GLG1: variants seen among roughly 807,000 people sequenced by gnomAD.
The protein encoded by GLG1 is Golgi apparatus protein 1.
GLG1 carries 38 observed loss-of-function variants against 160.5 expected under a neutral mutation model. That is an observed-to-expected ratio of 0.24 (90% confidence interval 0.18 to 0.31). GLG1 has a LOEUF of 0.31. Among genes scored for constraint, GLG1 ranks in the 10% least tolerant of loss-of-function variants. GLG1 has a pLI of 1.00. For missense variants in GLG1, 1,373 were observed against 1,505.2 expected (o/e 0.91, Z 1.45); for synonymous variants, 644 against 543.4 (o/e 1.19, Z -2.57).
chr16:74,561,738 G>A (rs947746039), intron 1 of GLG1, among the ~76,000 whole-genome samples: 1 of 152,144 alleles, frequency 6.6e-6, no homozygotes, highest in Non-Finnish European at 1.5e-5. Flanking sequence ...GTATTTAACA[G>A]GCTATAAATG....
intron 23 of GLG1, among the ~76,000 whole-genome samples, chr16:74,459,433 A>G (rs113029981): frequency 7.9e-4 from 120 of 152,304 alleles, no homozygotes; most frequent in African/African-American, 2.8e-3. Flanking sequence ...AGATCACGCC[A>G]CTGCGCTCCA....
intron 1 of GLG1, among the ~76,000 whole-genome samples, chr16:74,569,040 G>A (rs1381291370): frequency 6.6e-6 from 1 of 152,196 alleles, no homozygotes; most frequent in Non-Finnish European, 1.5e-5. Flanking sequence ...TGACTGAAGG[G>A]CCGTGTGGGC....
At chr16:74,551,171 G>A (rs1295953103) in intron 1 of GLG1, among the ~76,000 whole-genome samples, 1 of 152,108 alleles carries the variant, frequency 6.6e-6, no homozygotes, top group African/African-American at 2.4e-5. Context: ...AGCCTTTCCC[G>A]TAAGTCTGCT....
At chr16:74,484,755 G>A (rs539300624) in intron 9 of GLG1, among the ~76,000 whole-genome samples, 1 of 152,242 alleles carries the variant, frequency 6.6e-6, no homozygotes, top group South Asian at 2.1e-4. Flanking sequence ...TACAGAGCAA[G>A]ATTCTGTCTA....
chr16:74,579,361 A>G (rs1465024044), intron 1 of GLG1, among the ~76,000 whole-genome samples: 7 of 73,038 alleles, frequency 9.6e-5, no homozygotes, highest in Non-Finnish European at 1.5e-4. Context: ...GGCTGCAGTG[A>G]GCCGTGATTG....
intron 1 of GLG1, among the ~76,000 whole-genome samples, chr16:74,537,360 A>C (rs560595143): frequency 6.6e-6 from 1 of 152,260 alleles, no homozygotes; most frequent in East Asian, 1.9e-4. Flanking sequence ...ATGGTTAAAA[A>C]ACAAAACAAA....
chr16:74,504,406 G>C (rs2016523950), intron 3 of GLG1, among the ~76,000 whole-genome samples: 1 of 152,122 alleles, frequency 6.6e-6, no homozygotes, highest in African/African-American at 2.4e-5. Context: ...TCCTGCCTCA[G>C]CTTCCTGAGT....
chr16:74,545,060 C>A (rs1401385522), intron 1 of GLG1, among the ~76,000 whole-genome samples: 1 of 151,986 alleles, frequency 6.6e-6, no homozygotes, highest in Non-Finnish European at 1.5e-5. Context: ...TACAGGAAGG[C>A]AACTTCGGTT....
At chr16:74,496,403 A>C (rs1433355402) in intron 5 of GLG1, 38 bp downstream of exon 5, 1 of 1,363,192 alleles carries the variant, frequency 7.3e-7, no homozygotes, top group Non-Finnish European at 1.0e-6. Context: ...ATGTGTAAAA[A>C]TAAAAGGAAG....
rs1245745326 is a variant in GLG1 at position 74,479,438 on chromosome 16, T to C, written c.1827+803A>G. Among the ~76,000 whole-genome samples, 3 of 141,624 alleles carry C rather than the reference T, an allele frequency of 2.1e-5. No homozygotes were observed. In the Admixed American group the frequency reaches 2.1e-4, roughly 10 times the overall value. The allele number at this position is 141,624 out of a possible 152,430, so 92.9% of individuals were successfully genotyped here. On this transcript the variant is annotated intron_variant, in intron 11 of 25. Coordinates refer to ENST00000422840, the MANE Select transcript of GLG1 (RefSeq NM_001145667.2). The stretch of plus-strand genomic sequence containing the variant: ...CCCATGGTTAATGAGAGGCTCATTA[T>C]ATGGAGAGAAAAAAAAAAAAAAAAC...
At chr16:74,604,297 A>G (rs1272232196) in intron 1 of GLG1, among the ~76,000 whole-genome samples, 1 of 152,252 alleles carries the variant, frequency 6.6e-6, no homozygotes, top group African/African-American at 2.4e-5. Context: ...GAATGAACTG[A>G]TATGTAGGCA....
At chr16:74,571,573 G>A (rs1341763569) in intron 1 of GLG1, among the ~76,000 whole-genome samples, 1 of 151,706 alleles carries the variant, frequency 6.6e-6, no homozygotes, top group African/African-American at 2.4e-5. Context: ...AGAATCGCTC[G>A]TACCCAGGAG....
At chr16:74,558,082 C>A (rs937999942) in intron 1 of GLG1, among the ~76,000 whole-genome samples, 1 of 152,146 alleles carries the variant, frequency 6.6e-6, no homozygotes, top group African/African-American at 2.4e-5. Flanking sequence ...TTTTTATTCA[C>A]AGATGGTCTT....
intron 1 of GLG1, among the ~76,000 whole-genome samples, chr16:74,561,068 C>T (rs376929673): frequency 6.6e-6 from 1 of 152,208 alleles, no homozygotes; most frequent in East Asian, 1.9e-4. Context: ...TGCATGGCAG[C>T]ACCTGGGGGT....
chr16:74,540,772 G>A (rs1204507811), intron 1 of GLG1, among the ~76,000 whole-genome samples: 1 of 151,850 alleles, frequency 6.6e-6, no homozygotes, highest in East Asian at 1.9e-4. Flanking sequence ...TGCTTGTTCA[G>A]ATTCCACTTT....
At chr16:74,495,713 G>A (rs1308235340) in intron 5 of GLG1, among the ~76,000 whole-genome samples, 1 of 152,158 alleles carries the variant, frequency 6.6e-6, no homozygotes, top group Non-Finnish European at 1.5e-5. Flanking sequence ...CCATTGAATA[G>A]ATGTAAATAA....
Position 74,587,058 on chromosome 16 carries a change from A to G in GLG1, c.438+19599T>C, listed in dbSNP as rs35166122. ...TCCCACATTTAATATGTCAGAAGTT[A>G]AAATCCAAGAAGTAATGATTTCTAC... On this transcript the variant is annotated intron_variant, in intron 1 of 25. Coordinates refer to ENST00000422840, the MANE Select transcript of GLG1 (RefSeq NM_001145667.2). 9.7e-3 allele frequency among the ~76,000 whole-genome samples: 1,485 copies of G among 152,310 alleles called. 13 individuals are homozygous for G. The highest frequency in any genetic ancestry group is 0.017 in the Middle Eastern group (5 of 294).
intron 23 of GLG1, 118 bp downstream of exon 23, chr16:74,459,564 G>C (rs903402236): frequency 7.5e-6 from 5 of 663,856 alleles, no homozygotes; most frequent in African/African-American, 7.4e-5. Context: ...AAAGAGTGCT[G>C]GGCAGAAGGT....
At chr16:74,577,522 CAAAAAA>C (rs71376222) in intron 1 of GLG1, among the ~76,000 whole-genome samples, 19 of 120,230 alleles carry the variant, frequency 1.6e-4, no homozygotes, top group Non-Finnish European at 3.0e-4. Context: ...AACTCCATCT[CAAAAAA>C]AAAAAAAAAA....
Sources: allele counts gnomAD v4.1 joint callset (sites outside exome capture counted in the v4.1 genomes callset), GRCh38; gene constraint gnomAD v4.1.1; transcripts MANE v1.5; gene names NCBI Gene and HGNC (gene_info 2026-07-23, HGNC 2026-07-21).